MAPT: variants seen among roughly 807,000 people sequenced by gnomAD.
The protein encoded by MAPT is microtubule-associated protein tau.
In MAPT, 34 loss-of-function variants were observed where a neutral mutation model predicts 67.9. The ratio of observed to expected loss-of-function variants is 0.50; its 90% CI spans 0.38 to 0.67. MAPT has a LOEUF of 0.67. MAPT is among the 30% of genes least tolerant of loss of function. The probability of loss-of-function intolerance (pLI) is 0.00; values close to 1 mark genes in which losing one functional copy is unlikely to be tolerated. For synonymous variants in MAPT, 456 were observed against 464.5 expected, an observed-to-expected ratio of 0.98 and a Z score of 0.23; for missense variants, 881 against 1,115.2, an observed-to-expected ratio of 0.79 and a Z score of 2.99.
In MAPT at chr17:45,983,548, A is replaced by G. The variant is rs781607136; in HGVS notation, c.969A>G (p.Thr323=). 1.2e-6 allele frequency: 2 copies of G among 1,612,954 alleles called. No homozygotes were observed. Among genetic ancestry groups the G allele is most frequent in the Non-Finnish European group, 1.7e-6 (2 of 1,179,916 alleles). ...CCCAAGATGGGCGGCCTCCCCAGAC[A>G]GCCGCCAGAGAAGCCACCAGCATCC... is the stretch of plus-strand genomic sequence containing the variant. ...SPAQDGRPPQ[T]AAREATSIPG... is the part of the protein sequence containing the mutation. Residue 323 remains threonine, a synonymous_variant, in exon 5 of 13, where the codon ACA becomes ACG. Transcript: ENST00000262410.
rs549233587 is a variant in MAPT, at chr17:45,976,171, C to T, written c.221-2204C>T. 7 of 152,420 alleles carry T rather than the reference C, an allele frequency of 4.6e-5. 1 individual carries two copies. The highest frequency in any genetic ancestry group is 4.6e-4 in the Admixed American group (7 of 15,304). 9.4% of individuals were successfully genotyped at this position (152,420 alleles called of 1,614,324 possible). ...CACGGGAAACACGCTGGCAAGCAAA[C>T]TGTGGGTGTGCAGACGGTTCTCAGG... On this transcript the variant is annotated intron_variant, in intron 3 of 12. Coordinates refer to ENST00000262410, the MANE Select transcript of MAPT (RefSeq NM_001377265.1).
intron 1 of MAPT, among the ~76,000 whole-genome samples, chr17:45,950,247 G>A (rs1039983961): frequency 3.3e-5 from 5 of 152,194 alleles, no homozygotes; most frequent in South Asian, 2.1e-4. Context: ...CAAACAGCAC[G>A]CAGCATTCCC....
At chr17:45,923,143 A>G (rs2065920720) in intron 1 of MAPT, among the ~76,000 whole-genome samples, 1 of 152,124 alleles carries the variant, frequency 6.6e-6, no homozygotes, top group Non-Finnish European at 1.5e-5. Context: ...AAGATTCGGT[A>G]AGGTGGCAGG....
At chr17:45,956,158 A>G (rs941840936) in intron 1 of MAPT, among the ~76,000 whole-genome samples, 1 of 152,232 alleles carries the variant, frequency 6.6e-6, no homozygotes, top group Non-Finnish European at 1.5e-5. Context: ...GGCTGGCCAG[A>G]TGGTGCCTTT....
chr17:46,008,236 C>T (rs951114402), intron 9 of MAPT, among the ~76,000 whole-genome samples: 4 of 152,202 alleles, frequency 2.6e-5, no homozygotes, highest in East Asian at 1.9e-4. Flanking sequence ...AGCTGGGTTG[C>T]GCACCACCAT....
chr17:45,983,427 G>T lies in MAPT; in HGVS notation c.848G>T (p.Gly283Val). ...GGGCCGCCGCTGAAGGGGGCAGGGG[G>T]CAAAGAGAGGCCGGGGAGCAAGGAG... is the stretch of plus-strand genomic sequence containing the variant. ...QEGPPLKGAG[G>V]KERPGSKEEV... is the part of the protein sequence containing the mutation. Residue 283 changes from glycine to valine, a missense_variant, in exon 5 of 13, where the codon GGC becomes GTC. Physicochemically the swap from Gly to Val is moderately radical, Grantham distance 109. This residue lies in a region of MAPT where 687 missense variants were observed against 766.1 expected (regional missense o/e 0.90). Coordinates refer to ENST00000262410, the MANE Select transcript of MAPT (RefSeq NM_001377265.1). 1 of 1,607,058 alleles carries T rather than the reference G, an allele frequency of 6.2e-7. No individual in the cohort carries two copies. The highest frequency in any genetic ancestry group is 8.5e-7 in the Non-Finnish European group (1 of 1,176,172).
In MAPT at chr17:45,995,257, C is replaced by T. The variant is rs771051827; in HGVS notation, c.1733-1142C>T. ...TGGACTTGCAGGAAAGCTAAGTTCT[C>T]AGACTGCAGGGGAGCTAAGCACACC... is the stretch of plus-strand genomic sequence containing the variant. On this transcript the variant is annotated intron_variant, in intron 8 of 12. Coordinates refer to ENST00000262410, the MANE Select transcript of MAPT (RefSeq NM_001377265.1). This position sits in a 1 kb window ranked among gnomAD's most constrained non-coding sequence, Gnocchi z 4.3. Among the ~76,000 whole-genome samples the T allele has an allele frequency of 7.2e-5, 11 of 152,180 alleles. No individual in the cohort carries two copies. Among genetic ancestry groups the T allele is most frequent in the Non-Finnish European group, 1.0e-4 (7 of 68,032 alleles).
intron 4 of MAPT, among the ~76,000 whole-genome samples, chr17:45,980,931 GTTTTCC>G (rs752476762): frequency 1.3e-5 from 2 of 152,200 alleles, no homozygotes; most frequent in African/African-American, 2.4e-5. Flanking sequence ...TGAAGTCAAT[GTTTTCC>G]TGACACCAGT....
At chr17:46,019,291 A>G (rs952829133) in intron 12 of MAPT, among the ~76,000 whole-genome samples, 2 of 147,592 alleles carry the variant, frequency 1.4e-5, no homozygotes, top group African/African-American at 4.9e-5. Context: ...ACCCGCCCCC[A>G]TGATTCAGTT....
chr17:45,940,268 T>G (rs2067735781), intron 1 of MAPT, among the ~76,000 whole-genome samples: 1 of 152,224 alleles, frequency 6.6e-6, no homozygotes. Context: ...GCCTTTGGCT[T>G]AAACACTAGC....
intron 8 of MAPT, 118 bp downstream of exon 8, chr17:45,991,704 T>C: frequency 7.0e-7 from 1 of 1,436,648 alleles, no homozygotes; most frequent in Non-Finnish European, 9.7e-7. Context: ...GGTCAGCAGC[T>C]TGCAGTTTAC....
Position 45,983,402 on chromosome 17 carries a change from G to A in MAPT, c.823G>A (p.Gly275Arg). 2 of 1,607,504 alleles carry A rather than the reference G, an allele frequency of 1.2e-6. No individual in the cohort carries two copies. The highest frequency in any genetic ancestry group is 1.7e-6 in the Non-Finnish European group (2 of 1,176,710). Reference sequence around the variant, plus strand: ...GCTTCTAGGAGACCTGCACCAGGAGGGGCCGCCGCTGAAGGGGGCAGGGGG... The same window carrying A: ...GCTTCTAGGAGACCTGCACCAGGAGAGGCCGCCGCTGAAGGGGGCAGGGGG... ...HQLLGDLHQE[G>R]PPLKGAGGKE... The change falls in exon 5 of 13, where the codon GGG becomes AGG. Residue 275 changes from glycine to arginine, a missense_variant. Coordinates refer to ENST00000262410, the MANE Select transcript of MAPT (RefSeq NM_001377265.1).
At position 45,985,102 on chromosome 17, in the gene MAPT, G is replaced by A. The variant is rs191651691; in HGVS notation, c.1351+1172G>A. On this transcript the variant is annotated intron_variant, in intron 5 of 12. Coordinates refer to ENST00000262410, the MANE Select transcript of MAPT (RefSeq NM_001377265.1). ...GTGGATCATTTGAGGTTAGGAGTTC[G>A]AGACCAGCCTGGCCAACATGGTGAG... Among the ~76,000 whole-genome samples the A allele has an allele frequency of 3.0e-3, 455 of 152,250 alleles. 3 individuals carry two copies. Among genetic ancestry groups the A allele is most frequent in the African/African-American group, 0.01 (428 of 41,544 alleles).
chr17:45,968,581 G>A (rs1037695674), intron 2 of MAPT, among the ~76,000 whole-genome samples: 2 of 152,142 alleles, frequency 1.3e-5, no homozygotes, highest in African/African-American at 4.8e-5. Context: ...TGCTTGACGG[G>A]GTATGTGACT....
intron 9 of MAPT, among the ~76,000 whole-genome samples, chr17:46,000,119 G>A (rs377094634): frequency 4.6e-5 from 7 of 152,150 alleles, no homozygotes; most frequent in South Asian, 2.1e-4. Context: ...CAAAGCTGGC[G>A]GAGTCTGAAG....
At chr17:45,941,689 T>TCCTTCCTTCCTGCCTTCCTTCCTTCCTG (rs2067948503) in intron 1 of MAPT, among the ~76,000 whole-genome samples, 1 of 59,706 alleles carries the variant, frequency 1.7e-5, no homozygotes, top group Admixed American at 2.0e-4. Flanking sequence ...CCTCCTTCCT[T>TCCTTCCTTCCTGCCTTCCTTCCTTCCTG]CCTTCCTTCC....
At chr17:45,939,437 T>C (rs2067661899) in intron 1 of MAPT, among the ~76,000 whole-genome samples, 1 of 152,224 alleles carries the variant, frequency 6.6e-6, no homozygotes, top group South Asian at 2.1e-4. Context: ...CAGCATCTTA[T>C]CTCATTTTGT....
Position 45,953,696 on chromosome 17 carries a change from G to T in MAPT, c.-17-8625G>T, listed in dbSNP as rs1278987066. Among the ~76,000 whole-genome samples, 5 of 152,176 alleles carry T rather than the reference G, an allele frequency of 3.3e-5. 1 individual carries two copies. The highest frequency in any genetic ancestry group is 2.1e-4 in the South Asian group (1 of 4,832). ...CTCTAGCCCTGCAGGGATGGTGGAG[G>T]GGGAGGGGAAGGAGGGATCTTTATT... is the stretch of plus-strand genomic sequence containing the variant. On this transcript the variant is annotated intron_variant, in intron 1 of 12. Coordinates refer to ENST00000262410, the MANE Select transcript of MAPT (RefSeq NM_001377265.1).
Position 45,965,707 on chromosome 17 carries a change from T to C in MAPT, c.133+3237T>C, listed in dbSNP as rs1452209656. Among the ~76,000 whole-genome samples, 3 of 145,252 alleles carry C rather than the reference T, an allele frequency of 2.1e-5. No individual in the cohort carries two copies. In the East Asian group the frequency reaches 6.1e-4, roughly 29 times the overall value. On this transcript the variant is annotated intron_variant, in intron 2 of 12. Transcript: ENST00000262410. The stretch of plus-strand genomic sequence containing the variant: ...CTGGGATTGCAGGCATGAGCCACCG[T>C]GCCCAGTCAACTCCTTCTCAAAAAA...
Sources: allele counts gnomAD v4.1 joint callset (sites outside exome capture counted in the v4.1 genomes callset), GRCh38; gene constraint gnomAD v4.1.1; regional missense constraint gnomAD v4.1.1; non-coding constraint Gnocchi (gnomAD v3.1); transcripts MANE v1.5; gene names NCBI Gene and HGNC (gene_info 2026-07-23, HGNC 2026-07-21).